KCNIP4: variants seen among roughly 807,000 people sequenced by gnomAD.
The protein encoded by KCNIP4 is Kv channel-interacting protein 4.
KCNIP4 carries 12 observed loss-of-function variants against 34.0 expected under a neutral mutation model. That is an observed-to-expected ratio of 0.35 (90% confidence interval 0.23 to 0.57). KCNIP4 has a LOEUF of 0.57. Among genes scored for constraint, KCNIP4 ranks in the 20% least tolerant of loss-of-function variants. The pLI is 0.83. For missense variants in KCNIP4, 238 were observed against 311.7 expected (o/e 0.76, Z 1.78); for synonymous variants, 124 against 102.2 (o/e 1.21, Z -1.29).
chr4:21,218,830 T>G (rs973711952), intron 1 of KCNIP4, among the ~76,000 whole-genome samples: 1 of 152,152 alleles, frequency 6.6e-6, no homozygotes, highest in African/African-American at 2.4e-5. Flanking sequence ...TTTCCAAATA[T>G]CTTAGTAAAA....
At chr4:20,873,406 A>G (rs1190377845) in intron 2 of KCNIP4, among the ~76,000 whole-genome samples, 1 of 152,194 alleles carries the variant, frequency 6.6e-6, no homozygotes, top group Non-Finnish European at 1.5e-5. Context: ...ACTGTCTTGC[A>G]CAGACTTTTC....
intron 1 of KCNIP4, among the ~76,000 whole-genome samples, chr4:21,476,897 C>T (rs1265255629): frequency 2.0e-5 from 3 of 152,082 alleles, no homozygotes; most frequent in Non-Finnish European, 2.9e-5. Context: ...TTCTCCTTGG[C>T]TCCGTCCTTG....
chr4:20,925,361 C>G (rs1051011184), intron 1 of KCNIP4, among the ~76,000 whole-genome samples: 3 of 151,962 alleles, frequency 2.0e-5, no homozygotes, highest in Admixed American at 1.3e-4. Context: ...AGATACAGGT[C>G]GTAAAGAACT....
chr4:21,270,117 T>C (rs1160927520), intron 1 of KCNIP4, among the ~76,000 whole-genome samples: 3 of 151,860 alleles, frequency 2.0e-5, no homozygotes, highest in Non-Finnish European at 4.4e-5. Context: ...CACCGGGGAG[T>C]ATCATAGGCT....
intron 1 of KCNIP4, among the ~76,000 whole-genome samples, chr4:21,831,992 C>T (rs1723017462): frequency 6.6e-6 from 1 of 151,974 alleles, no homozygotes; most frequent in Non-Finnish European, 1.5e-5. Context: ...AAATCCTTAA[C>T]AAATACTAGC....
At chr4:21,630,814 C>T (rs1260171926) in intron 1 of KCNIP4, among the ~76,000 whole-genome samples, 1 of 152,186 alleles carries the variant, frequency 6.6e-6, no homozygotes, top group Non-Finnish European at 1.5e-5. Context: ...GCCCAAACTC[C>T]TTTGCATAGC....
At chr4:20,833,551 A>G (rs1413938618) in intron 3 of KCNIP4, among the ~76,000 whole-genome samples, 1 of 152,062 alleles carries the variant, frequency 6.6e-6, no homozygotes, top group Non-Finnish European at 1.5e-5. Context: ...CTCCCAGTTC[A>G]CCAACTTTGC....
intron 1 of KCNIP4, among the ~76,000 whole-genome samples, chr4:21,192,907 G>GC (rs1197764139): frequency 7.8e-6 from 1 of 127,446 alleles, no homozygotes; most frequent in Non-Finnish European, 1.6e-5. Context: ...CAGCCCTGCC[G>GC]CCCCGTCTCT....
intron 1 of KCNIP4, among the ~76,000 whole-genome samples, chr4:21,812,094 G>T (rs778468643): frequency 6.6e-6 from 1 of 152,082 alleles, no homozygotes; most frequent in Non-Finnish European, 1.5e-5. Flanking sequence ...AAACAAATTG[G>T]TATATTCACA....
chr4:20,813,313 T>C (rs1716000042), intron 3 of KCNIP4, among the ~76,000 whole-genome samples: 1 of 152,108 alleles, frequency 6.6e-6, no homozygotes, highest in South Asian at 2.1e-4. Flanking sequence ...ATAGAGTCCT[T>C]GTTGAGGAGG....
At chr4:21,248,038 C>T (rs998316261) in intron 1 of KCNIP4, among the ~76,000 whole-genome samples, 1 of 116,256 alleles carries the variant, frequency 8.6e-6, no homozygotes, top group African/African-American at 3.6e-5. Flanking sequence ...ATGTGTACAC[C>T]ACAGGTGGAG....
chr4:21,095,927 C>A (rs941466970), intron 1 of KCNIP4, among the ~76,000 whole-genome samples: 1 of 152,058 alleles, frequency 6.6e-6, no homozygotes, highest in Non-Finnish European at 1.5e-5. Context: ...CCCCAGGAAA[C>A]CAGCAGAAAC....
At chr4:21,720,341 A>T (rs1485147547) in intron 1 of KCNIP4, among the ~76,000 whole-genome samples, 1 of 152,180 alleles carries the variant, frequency 6.6e-6, no homozygotes, top group Non-Finnish European at 1.5e-5. Flanking sequence ...AATATTCAAA[A>T]TCCAAAGACA....
At chr4:21,289,930 A>G (rs1415165522) in intron 1 of KCNIP4, among the ~76,000 whole-genome samples, 1 of 152,146 alleles carries the variant, frequency 6.6e-6, no homozygotes, top group Non-Finnish European at 1.5e-5. Context: ...TCCCTTGCAG[A>G]GGAAATGAAG....
rs188514288 is a variant in KCNIP4 at position 21,606,181 on chromosome 4, C to T, written c.61+342390G>A. On this transcript the variant is annotated intron_variant, in intron 1 of 8. Coordinates refer to ENST00000382152, the MANE Select transcript of KCNIP4 (RefSeq NM_025221.6). ...ATGGGAACTCAGAGAAAGGATATTT[C>T]TGGCAATGGCAGCTTCATAATTTCT... Among the ~76,000 whole-genome samples the T allele has an allele frequency of 1.9e-3, 292 of 152,252 alleles. 2 individuals are homozygous for T. Among genetic ancestry groups the T allele is most frequent in the Admixed American group, 4.4e-3 (67 of 15,286 alleles).
intron 1 of KCNIP4, among the ~76,000 whole-genome samples, chr4:21,738,136 T>TAAATAATA (rs367974600): frequency 7.1e-4 from 69 of 96,782 alleles, no homozygotes; most frequent in Non-Finnish European, 7.8e-4. Flanking sequence ...AATAAATAAA[T>TAAATAATA]AATAAATAAA....
chr4:21,053,856 C>T (rs530616474), intron 1 of KCNIP4, among the ~76,000 whole-genome samples: 1 of 152,118 alleles, frequency 6.6e-6, no homozygotes, highest in South Asian at 2.1e-4. Flanking sequence ...TGAACAAAAT[C>T]AAAGAAGACT....
intron 1 of KCNIP4, among the ~76,000 whole-genome samples, chr4:21,307,581 T>C (rs918961528): frequency 6.6e-6 from 1 of 152,212 alleles, no homozygotes; most frequent in Non-Finnish European, 1.5e-5. Context: ...TTCAATATAA[T>C]ATCCTCAATC....
intron 3 of KCNIP4, among the ~76,000 whole-genome samples, chr4:20,761,263 C>G (rs924954898): frequency 6.6e-6 from 1 of 152,196 alleles, no homozygotes; most frequent in African/African-American, 2.4e-5. Context: ...CAAGGCTCCA[C>G]AAAGTGTGAA....
Sources: gnomAD v4.1 joint callset for allele counts (sites outside exome capture counted in the v4.1 genomes callset) on GRCh38, gnomAD v4.1.1 for gene constraint, MANE v1.5 for transcripts, NCBI Gene and HGNC (gene_info 2026-07-23, HGNC 2026-07-21) for gene names.